Variants in MEGF11 observed in about 807,000 individuals in gnomAD.
MEGF11 encodes multiple EGF like domains 11, also known as multiple epidermal growth factor-like domains protein 11.
In MEGF11, 126 loss-of-function variants were observed where a neutral mutation model predicts 146.6. That is an observed-to-expected ratio of 0.86 (90% CI 0.74 to 1.00). MEGF11 has a LOEUF of 1.00. Ranked by LOEUF, MEGF11 falls within the 50% of genes least tolerant of loss-of-function variation. The probability of loss-of-function intolerance (pLI) is 0.00; values close to 1 mark genes in which losing one functional copy is unlikely to be tolerated. For missense variants in MEGF11, 1,509 were observed against 1,521.2 expected (o/e 0.99, Z 0.13); for synonymous variants, 532 against 583.4 (o/e 0.91, Z 1.27).
At chr15:66,218,978 GC>G (rs71447888) in intron 1 of MEGF11, among the ~76,000 whole-genome samples, 155 of 22,556 alleles carry the variant, frequency 6.9e-3, no homozygotes, top group Non-Finnish European at 8.0e-3. Context: ...ATATCCACAG[GC>G]AAAAAAAAAA....
At chr15:66,158,814 T>C (rs2089852341) in intron 1 of MEGF11, among the ~76,000 whole-genome samples, 1 of 152,182 alleles carries the variant, frequency 6.6e-6, no homozygotes, top group Non-Finnish European at 1.5e-5. Flanking sequence ...CCTGTTTCCA[T>C]AGCATCCACA....
At chr15:66,019,030 A>G (rs1413141630) in intron 5 of MEGF11, among the ~76,000 whole-genome samples, 1 of 152,226 alleles carries the variant, frequency 6.6e-6, no homozygotes, top group African/African-American at 2.4e-5. Flanking sequence ...AGTGAGGCCC[A>G]TCACCACGAC....
chr15:66,049,198 A>G (rs1257073944), intron 5 of MEGF11, among the ~76,000 whole-genome samples: 1 of 152,260 alleles, frequency 6.6e-6, no homozygotes. Context: ...ACTGCAAACC[A>G]GGCGAGGATC....
intron 8 of MEGF11, among the ~76,000 whole-genome samples, chr15:65,968,886 T>TTTA (rs1336947475): frequency 6.6e-6 from 1 of 152,192 alleles, no homozygotes; most frequent in Non-Finnish European, 1.5e-5. Context: ...CCCACTCAAC[T>TTTA]TTAATATGCT....
intron 5 of MEGF11, among the ~76,000 whole-genome samples, chr15:66,009,946 T>G (rs1443096420): frequency 7.9e-5 from 12 of 152,264 alleles, no homozygotes; most frequent in African/African-American, 2.2e-4. Context: ...CTTGAATGAC[T>G]TTGTCCAAAG....
chr15:65,904,796 G>A (rs1031296677), intron 24 of MEGF11, among the ~76,000 whole-genome samples: 1 of 152,236 alleles, frequency 6.6e-6, no homozygotes, highest in Non-Finnish European at 1.5e-5. Flanking sequence ...AGGAGATGGG[G>A]TGTGAATATC....
intron 5 of MEGF11, among the ~76,000 whole-genome samples, chr15:66,040,755 T>C (rs1338240564): frequency 4.6e-5 from 7 of 152,154 alleles, no homozygotes; most frequent in African/African-American, 1.7e-4. Context: ...ACTTCCATGG[T>C]TGAAACCTCT....
At chr15:66,245,840 C>G (rs1328506230) in intron 1 of MEGF11, among the ~76,000 whole-genome samples, 2 of 152,174 alleles carry the variant, frequency 1.3e-5, no homozygotes, top group Non-Finnish European at 2.9e-5. Flanking sequence ...CCCCATACAC[C>G]TATGCACTAT....
chr15:66,023,182 T>C (rs1340636815), intron 5 of MEGF11, among the ~76,000 whole-genome samples: 3 of 149,852 alleles, frequency 2.0e-5, no homozygotes, highest in African/African-American at 7.4e-5. Flanking sequence ...TCTAGGTCCC[T>C]TGGGCTCAGA....
chr15:65,939,550 A>T (rs568349200), intron 10 of MEGF11, among the ~76,000 whole-genome samples: 19 of 146,810 alleles, frequency 1.3e-4, no homozygotes, highest in African/African-American at 4.8e-4. Context: ...GCTGGAGTGC[A>T]ATGTTGCAAT....
chr15:66,161,152 G>T (rs1014235610), intron 1 of MEGF11, among the ~76,000 whole-genome samples: 1 of 152,174 alleles, frequency 6.6e-6, no homozygotes, highest in Non-Finnish European at 1.5e-5. Context: ...CCTTGAATAC[G>T]TGAAGTCAGA....
intron 5 of MEGF11, among the ~76,000 whole-genome samples, chr15:66,061,600 A>G (rs936202896): frequency 1.3e-5 from 2 of 150,984 alleles, no homozygotes; most frequent in African/African-American, 4.9e-5. Flanking sequence ...TTAGGGGCAC[A>G]GTGCCTAGGG....
intron 1 of MEGF11, among the ~76,000 whole-genome samples, chr15:66,213,227 C>A (rs962453508): frequency 6.6e-6 from 1 of 152,110 alleles, no homozygotes; most frequent in Non-Finnish European, 1.5e-5. Flanking sequence ...CTAGATACTT[C>A]AGATCATAGC....
chr15:65,976,513 C>T (rs559696294), intron 7 of MEGF11, among the ~76,000 whole-genome samples: 6 of 152,284 alleles, frequency 3.9e-5, no homozygotes, highest in South Asian at 4.2e-4. Context: ...AGAAAAAAGA[C>T]GACATAGAGA....
At chr15:66,023,901 G>T (rs1173600427) in intron 5 of MEGF11, among the ~76,000 whole-genome samples, 2 of 152,224 alleles carry the variant, frequency 1.3e-5, no homozygotes, top group African/African-American at 4.8e-5. Context: ...GATGGTGAGG[G>T]TCGGTCTGAA....
intron 1 of MEGF11, among the ~76,000 whole-genome samples, chr15:66,168,416 T>C (rs2090157507): frequency 6.6e-6 from 1 of 152,134 alleles, no homozygotes; most frequent in South Asian, 2.1e-4. Context: ...TTGTGTGTGG[T>C]TGTGAGATCA....
chr15:66,062,107 G>A (rs904501232), intron 5 of MEGF11, among the ~76,000 whole-genome samples: 1 of 152,214 alleles, frequency 6.6e-6, no homozygotes, highest in Non-Finnish European at 1.5e-5. Flanking sequence ...CTCTGGGAAG[G>A]TGACATCTGA....
At chr15:66,177,644 C>A (rs934164259) in intron 1 of MEGF11, among the ~76,000 whole-genome samples, 1 of 151,820 alleles carries the variant, frequency 6.6e-6, no homozygotes, top group Non-Finnish European at 1.5e-5. Context: ...AGCACAGCAC[C>A]CTGTCTGCCC....
At chr15:66,069,392 A>G (rs1370878176) in intron 5 of MEGF11, among the ~76,000 whole-genome samples, 2 of 152,250 alleles carry the variant, frequency 1.3e-5, no homozygotes, top group South Asian at 2.1e-4. Flanking sequence ...AAATGAGTAA[A>G]CCAGCATGGA....
Sources: gnomAD v4.1 joint callset for allele counts (sites outside exome capture counted in the v4.1 genomes callset) on GRCh38, gnomAD v4.1.1 for gene constraint, MANE v1.5 for transcripts, NCBI Gene and HGNC (gene_info 2026-07-23, HGNC 2026-07-21) for gene names.